Variants in UNC79 observed in about 807,000 individuals in gnomAD.
UNC79 encodes the protein unc-79 subunit of NALCN channel complex, also known as protein unc-79 homolog.
Under a neutral mutation model 283.1 loss-of-function variants are expected in UNC79, and 37 were observed. That is an observed-to-expected ratio of 0.13 (90% CI 0.10 to 0.17). The LOEUF (loss-of-function observed/expected upper bound fraction) is 0.17. UNC79 is among the 10% of genes least tolerant of loss of function. The pLI, the probability that UNC79 is intolerant of heterozygous loss-of-function variation, is 1.00. For missense variants in UNC79, 2,272 were observed against 3,211.1 expected (o/e 0.71, Z 7.07); for synonymous variants, 1,107 against 1,200.2 (o/e 0.92, Z 1.61).
intron 1 of UNC79, among the ~76,000 whole-genome samples, chr14:93,388,077 C>T (rs370906211): frequency 7.8e-4 from 118 of 152,006 alleles, no homozygotes; most frequent in African/African-American, 2.7e-3. Context: ...GAGCCATGCA[C>T]TGCACATGGC....
At chr14:93,433,789 A>G (rs2055972765) in intron 1 of UNC79, among the ~76,000 whole-genome samples, 2 of 152,240 alleles carry the variant, frequency 1.3e-5, no homozygotes, top group Non-Finnish European at 1.5e-5. Context: ...AGCAAGAGAA[A>G]GTACTTGCAT....
intron 35 of UNC79, among the ~76,000 whole-genome samples, chr14:93,648,200 A>G (rs979901623): frequency 5.3e-5 from 8 of 152,258 alleles, no homozygotes; most frequent in Non-Finnish European, 1.0e-4. Flanking sequence ...ATGGCATTGC[A>G]TCTACAGTCA....
intron 8 of UNC79, among the ~76,000 whole-genome samples, chr14:93,527,199 A>G (rs1309164044): frequency 2.0e-5 from 3 of 152,224 alleles, no homozygotes; most frequent in Non-Finnish European, 4.4e-5. Flanking sequence ...ATAATTATCT[A>G]AGGCAGGTTC....
intron 12 of UNC79, 79 bp downstream of exon 12, chr14:93,538,297 T>TTAAATATGCAC: frequency 7.3e-7 from 1 of 1,367,236 alleles, no homozygotes; most frequent in Non-Finnish European, 9.7e-7. Context: ...GAGATGTGCA[T>TTAAATATGCAC]ATTTAATGCA....
chr14:93,459,061 A>AGT (rs1432740263), intron 1 of UNC79, among the ~76,000 whole-genome samples: 2 of 152,174 alleles, frequency 1.3e-5, no homozygotes, highest in Non-Finnish European at 2.9e-5. Context: ...GCGTGATCTC[A>AGT]GCTCACTGCA....
intron 1 of UNC79, among the ~76,000 whole-genome samples, chr14:93,370,008 G>A (rs1039792907): frequency 1.3e-5 from 2 of 152,110 alleles, no homozygotes; most frequent in Non-Finnish European, 2.9e-5. Context: ...TGTGGAGTTC[G>A]CAGTCCAGAA....
intron 29 of UNC79, among the ~76,000 whole-genome samples, chr14:93,618,697 G>A (rs1005396368): frequency 2.0e-5 from 3 of 152,202 alleles, no homozygotes; most frequent in Non-Finnish European, 4.4e-5. Context: ...ACACAGTGGA[G>A]CCATTCTTTG....
At chr14:93,686,468 A>C in intron 42 of UNC79, 104 bp from the exon 46 acceptor site, 1 of 1,237,548 alleles carries the variant, frequency 8.1e-7, no homozygotes, top group Non-Finnish European at 1.2e-6. Context: ...AGAAATCCAG[A>C]AAGTAAAACG....
At chr14:93,554,820 A>G (rs1273761051) in intron 14 of UNC79, among the ~76,000 whole-genome samples, 1 of 152,254 alleles carries the variant, frequency 6.6e-6, no homozygotes, top group African/African-American at 2.4e-5. Context: ...TAGGCAAAAT[A>G]GTTTGTCTTT....
Position 93,700,525 on chromosome 14 carries a change from TTTG to T in UNC79, c.7549-4088_7549-4086del, listed in dbSNP as rs147282738. Among the ~76,000 whole-genome samples, 1,060 of 152,280 alleles carry T rather than the reference TTTG, an allele frequency of 7.0e-3. 19 individuals are homozygous for T. The East Asian group carries it at 0.071, about 10-fold the overall frequency. On this transcript the variant is annotated intron_variant, in intron 47 of 48. Transcript: ENST00000555664. Reference sequence around the variant, plus strand: ...TTTTTCTCCTCATTCGTGTGTTTCTTTTGTTGTTGTTGTTTCTTAGCATGCCTG... The same window carrying T: ...TTTTTCTCCTCATTCGTGTGTTTCTTTTGTTGTTGTTTCTTAGCATGCCTG...
intron 7 of UNC79, among the ~76,000 whole-genome samples, chr14:93,512,193 G>C (rs1258424872): frequency 6.6e-6 from 1 of 152,050 alleles, no homozygotes; most frequent in African/African-American, 2.4e-5. Flanking sequence ...AGTGAACATT[G>C]CTTCTCTCAT....
intron 1 of UNC79, among the ~76,000 whole-genome samples, chr14:93,420,929 C>T (rs2055584717): frequency 6.6e-6 from 1 of 151,544 alleles, no homozygotes; most frequent in Admixed American, 6.6e-5. Flanking sequence ...ACACAACATA[C>T]CAAAACCTAT....
At chr14:93,361,374 G>A (rs1276755213) in intron 1 of UNC79, among the ~76,000 whole-genome samples, 1 of 151,816 alleles carries the variant, frequency 6.6e-6, no homozygotes, top group African/African-American at 2.4e-5. Flanking sequence ...AAAATTAGCT[G>A]GGCATGGTGG....
intron 47 of UNC79, among the ~76,000 whole-genome samples, chr14:93,702,719 C>G (rs2075620373): frequency 6.6e-6 from 1 of 152,230 alleles, no homozygotes; most frequent in African/African-American, 2.4e-5. Context: ...CCCAGTTTGC[C>G]CAGGTTAGAA....
At chr14:93,604,788 A>T in intron 26 of UNC79, 108 bp from the exon 27 acceptor site, 1 of 1,156,204 alleles carries the variant, frequency 8.6e-7, no homozygotes. Flanking sequence ...ATTCAAATAG[A>T]AAAATGAAAC....
intron 11 of UNC79, among the ~76,000 whole-genome samples, chr14:93,534,321 A>T (rs1323956572): frequency 6.6e-6 from 1 of 152,192 alleles, no homozygotes; most frequent in South Asian, 2.1e-4. Flanking sequence ...CAGCTGAGTA[A>T]CTTTCTCAAT....
chr14:93,691,917 A>G, exon 46 of UNC79: 1 of 1,614,212 alleles, frequency 6.2e-7, no homozygotes, highest in Non-Finnish European at 8.5e-7. Flanking sequence ...GACACCCAGC[A>G]TCCTTCAGCT....
At chr14:93,512,242 G>C (rs8006500) in intron 7 of UNC79, among the ~76,000 whole-genome samples, 2,307 of 152,126 alleles carry the variant, frequency 0.015, 61 homozygotes, top group African/African-American at 0.053. Flanking sequence ...TATCCAATAG[G>C]AAATTACATA....
chr14:93,638,480 G>A (rs776391494), intron 32 of UNC79, among the ~76,000 whole-genome samples: 112 of 152,168 alleles, frequency 7.4e-4, no homozygotes, highest in Non-Finnish European at 1.3e-3. Flanking sequence ...CTCTTTCATG[G>A]TAAACTCAAG....
Sources: gnomAD v4.1 joint callset for allele counts (sites outside exome capture counted in the v4.1 genomes callset) on GRCh38, gnomAD v4.1.1 for gene constraint, MANE v1.5 for transcripts, NCBI Gene and HGNC (gene_info 2026-07-23, HGNC 2026-07-21) for gene names.